The following TMA16 variants were observed in gnomAD, a reference collection of about 807,000 sequenced individuals.
The protein encoded by TMA16 is translation machinery-associated protein 16.
In TMA16, 26 loss-of-function variants were observed where a neutral mutation model predicts 27.1. That is an observed-to-expected ratio of 0.96 (90% CI 0.70 to 1.33). TMA16 has a LOEUF of 1.33. Ranked by LOEUF, TMA16 falls within the 40% of genes most tolerant of loss-of-function variation. TMA16 has a pLI of 0.00. For missense variants in TMA16, 233 were observed against 241.4 expected, an observed-to-expected ratio of 0.97 and a Z score of 0.23; for synonymous variants, 71 against 81.9, an observed-to-expected ratio of 0.87 and a Z score of 0.72.
intron 6 of TMA16, 68 bp from the exon 7 acceptor site, chr4:163,519,266 A>C: frequency 2.9e-6 from 4 of 1,400,562 alleles, no homozygotes; most frequent in South Asian, 1.6e-5. Flanking sequence ...AAAATTTACT[A>C]TCTCCTGTTT....
Position 163,512,650 on chromosome 4 carries a change from A to G in TMA16, c.117-172A>G, listed in dbSNP as rs886629039. ...TTTCTGATAAAATTCTAGTGATTCA[A>G]AAGAGAAGCATAGTATTTAATGTTT... On this transcript the variant is annotated intron_variant, in intron 2 of 6. Coordinates refer to ENST00000358572, the MANE Select transcript of TMA16 (RefSeq NM_018352.3). 2.6e-5 allele frequency: 13 copies of G among 507,352 alleles called. No individual in the cohort carries two copies. In the Admixed American group the frequency reaches 4.1e-4, roughly 16 times the overall value. The allele number at this position is 507,352 out of a possible 1,614,324, so 31.4% of individuals were successfully genotyped here.
chr4:163,504,346 A>C (rs1204760889), intron 1 of TMA16, among the ~76,000 whole-genome samples: 1 of 152,178 alleles, frequency 6.6e-6, no homozygotes, highest in Non-Finnish European at 1.5e-5. Flanking sequence ...TTGATGGCTT[A>C]AACCAATATT....
intron 4 of TMA16, 45 bp downstream of exon 4, chr4:163,514,203 TG>T: frequency 6.8e-7 from 1 of 1,471,650 alleles, no homozygotes; most frequent in Non-Finnish European, 9.2e-7. Flanking sequence ...AAAAGGGAAT[TG>T]TCCAGCCTGG....
At chr4:163,507,837 G>A (rs947990626) in intron 2 of TMA16, among the ~76,000 whole-genome samples, 1 of 151,812 alleles carries the variant, frequency 6.6e-6, no homozygotes, top group Non-Finnish European at 1.5e-5. Flanking sequence ...AAACATCATC[G>A]TTTTGACTAT....
In TMA16 at chr4:163,513,904, T is replaced by A. The variant is rs1024566744; in HGVS notation, c.155-170T>A. Among the ~76,000 whole-genome samples the A allele has an allele frequency of 2.0e-5, 3 of 152,224 alleles. No individual in the cohort carries two copies. In the East Asian group the frequency reaches 5.8e-4, roughly 29 times the overall value. ...CTAAATTAAAATCTGACAGTTTAAT[T>A]TGTGACAGACTGGTTTAATTAGCTT... is the stretch of plus-strand genomic sequence containing the variant. On this transcript the variant is annotated intron_variant, in intron 3 of 6. Coordinates refer to ENST00000358572, the MANE Select transcript of TMA16 (RefSeq NM_018352.3).
chr4:163,502,746 A>G (rs993211602), intron 1 of TMA16, among the ~76,000 whole-genome samples: 6 of 152,208 alleles, frequency 3.9e-5, no homozygotes, highest in Admixed American at 1.3e-4. Context: ...TTATGTGTTA[A>G]GGAAGGAAGA....
intron 2 of TMA16, among the ~76,000 whole-genome samples, chr4:163,509,837 A>G (rs1160770788): frequency 6.6e-6 from 1 of 152,194 alleles, no homozygotes; most frequent in Non-Finnish European, 1.5e-5. Context: ...CAGTATAGCA[A>G]CATTTTGGCA....
chr4:163,499,886 CA>C (rs1560911742), intron 1 of TMA16, among the ~76,000 whole-genome samples: 3 of 152,168 alleles, frequency 2.0e-5, no homozygotes, highest in Non-Finnish European at 4.4e-5. Flanking sequence ...CTTGAACACA[CA>C]GCAAATGTTA....
Position 163,507,044 on chromosome 4 carries a change from A to T in TMA16, c.15A>T (p.Pro5=), listed in dbSNP as rs908105328. The part of the protein sequence containing the change: MPKA[P]KGKSAGREKK... ...TTCATACATTTTAGCCCAAAGCACCAAAGGGAAAAAGTGCAGGACGGGAAA... is the reference window on the plus strand; with the variant it reads ...TTCATACATTTTAGCCCAAAGCACCTAAGGGAAAAAGTGCAGGACGGGAAA... The change falls in exon 2 of 7, where the codon CCA becomes CCT. Residue 5 remains proline, a synonymous_variant. Coordinates refer to ENST00000358572, the MANE Select transcript of TMA16 (RefSeq NM_018352.3). 6.3e-7 allele frequency: 1 copy of T among 1,588,246 alleles called. No homozygotes were observed. The highest frequency in any genetic ancestry group is 1.8e-5 in the Admixed American group (1 of 56,716).
chr4:163,498,541 C>T (rs1737597357), intron 1 of TMA16, among the ~76,000 whole-genome samples: 1 of 152,144 alleles, frequency 6.6e-6, no homozygotes. Context: ...CCCGCCTCGG[C>T]CTCCCAAAGT....
chr4:163,509,238 C>T (rs965351687), intron 2 of TMA16, among the ~76,000 whole-genome samples: 4 of 152,106 alleles, frequency 2.6e-5, no homozygotes, highest in African/African-American at 4.8e-5. Flanking sequence ...CACGTTGAAA[C>T]GCTGCTGATT....
At chr4:163,514,509 G>C (rs1737847058) in intron 4 of TMA16, among the ~76,000 whole-genome samples, 1 of 152,188 alleles carries the variant, frequency 6.6e-6, no homozygotes, top group Non-Finnish European at 1.5e-5. Context: ...AACGTATTTA[G>C]TGATCTGCCA....
chr4:163,517,310 A>T, intron 5 of TMA16, 124 bp from the exon 6 acceptor site: 1 of 861,384 alleles, frequency 1.2e-6, no homozygotes, highest in Non-Finnish European at 1.8e-6. Context: ...CATGTTAATT[A>T]CAGCAATACT....
At chr4:163,517,178 A>G (rs10025376) in intron 5 of TMA16, 240 of 404,560 alleles carry the variant, frequency 5.9e-4, no homozygotes, top group African/African-American at 4.4e-3. Flanking sequence ...CTGGGATTAC[A>G]GGCATGAGCC....
At chr4:163,511,340 G>T (rs1727495020) in intron 2 of TMA16, among the ~76,000 whole-genome samples, 1 of 151,536 alleles carries the variant, frequency 6.6e-6, no homozygotes, top group Non-Finnish European at 1.5e-5. Context: ...ATCTTTTTAG[G>T]TTCTTTTTGG....
intron 1 of TMA16, among the ~76,000 whole-genome samples, chr4:163,496,398 CAG>C (rs1737553481): frequency 6.6e-6 from 1 of 152,132 alleles, no homozygotes; most frequent in Non-Finnish European, 1.5e-5. Context: ...TAAATAGTAA[CAG>C]TGTACAGCTT....
chr4:163,515,180 A>T, intron 4 of TMA16, 133 bp from the exon 5 acceptor site: 1 of 868,816 alleles, frequency 1.2e-6, no homozygotes, highest in Non-Finnish European at 1.7e-6. Flanking sequence ...AAGAGGTTTG[A>T]GGACCTGAGG....
intron 1 of TMA16, among the ~76,000 whole-genome samples, chr4:163,503,135 C>T (rs1006423263): frequency 3.9e-5 from 6 of 152,080 alleles, no homozygotes; most frequent in Non-Finnish European, 8.8e-5. Context: ...GTAGGCTATA[C>T]CATCCAGGTT....
rs201135432 is a variant in TMA16, at chr4:163,515,435, G to A, written c.362G>A (p.Arg121Gln). The part of the protein sequence containing the change: ...TVIKQTMERE[R>Q]QQFEGYGLEI... ...ATCAAGCAGACGATGGAGCGGGAGC[G>A]ACAGCAGTTTGAGGGATATGGCCTT... The change falls in exon 5 of 7, where the codon CGA becomes CAA. Residue 121 changes from arginine (R) to glutamine (Q), a missense_variant. Physicochemically the swap from Arg to Gln is conservative, Grantham distance 43 (BLOSUM62 1). Coordinates refer to ENST00000358572, the MANE Select transcript of TMA16 (RefSeq NM_018352.3). 1.2e-5 allele frequency: 20 copies of A among 1,613,954 alleles called. No homozygotes were observed. In the East Asian group the frequency reaches 2.2e-4, roughly 18 times the overall value.
Sources: allele counts gnomAD v4.1 joint callset (sites outside exome capture counted in the v4.1 genomes callset), GRCh38; gene constraint gnomAD v4.1.1; transcripts MANE v1.5; gene names NCBI Gene and HGNC (gene_info 2026-07-23, HGNC 2026-07-21).